Variants in NEDD4L observed in about 807,000 individuals in gnomAD.
NEDD4L encodes E3 ubiquitin-protein ligase NEDD4-like.
Under a neutral mutation model 148.9 loss-of-function variants are expected in NEDD4L, and 54 were observed. That is an observed-to-expected ratio of 0.36 (90% confidence interval 0.29 to 0.45). The LOEUF (loss-of-function observed/expected upper bound fraction) is 0.45. Among genes scored for constraint, NEDD4L ranks in the 20% least tolerant of loss-of-function variants. The pLI is 1.00. For missense variants in NEDD4L, 856 were observed against 1,233.8 expected (o/e 0.69, Z 4.59); for synonymous variants, 433 against 440.7 (o/e 0.98, Z 0.22).
intron 5 of NEDD4L, among the ~76,000 whole-genome samples, chr18:58,253,217 C>T (rs2048130630): frequency 6.6e-6 from 1 of 152,166 alleles, no homozygotes; most frequent in African/African-American, 2.4e-5. Context: ...CTGTTGTTGT[C>T]GATGAGAAGA....
At chr18:58,335,027 A>C (rs1255041497) in intron 12 of NEDD4L, among the ~76,000 whole-genome samples, 1 of 152,162 alleles carries the variant, frequency 6.6e-6, no homozygotes, top group Non-Finnish European at 1.5e-5. Context: ...TCCTTTTCAA[A>C]ATCAATGTCA....
intron 2 of NEDD4L, among the ~76,000 whole-genome samples, chr18:58,178,237 A>C (rs1453966448): frequency 1.3e-5 from 2 of 152,250 alleles, no homozygotes; most frequent in Non-Finnish European, 2.9e-5. Context: ...GGTCAATGAC[A>C]GACTAATTCT....
intron 5 of NEDD4L, among the ~76,000 whole-genome samples, chr18:58,259,316 C>T (rs933769108): frequency 5.9e-5 from 9 of 152,216 alleles, no homozygotes; most frequent in South Asian, 2.1e-4. Context: ...AGAATTCATT[C>T]GTATAGTCAT....
intron 5 of NEDD4L, among the ~76,000 whole-genome samples, chr18:58,294,960 T>C (rs1295099287): frequency 6.6e-6 from 1 of 152,208 alleles, no homozygotes; most frequent in Non-Finnish European, 1.5e-5. Flanking sequence ...ACTGACTTTA[T>C]TTTTTTGGAG....
At chr18:58,296,173 C>A (rs1055758172) in intron 5 of NEDD4L, among the ~76,000 whole-genome samples, 1 of 152,132 alleles carries the variant, frequency 6.6e-6, no homozygotes, top group African/African-American at 2.4e-5. Flanking sequence ...TTTGGTGGTA[C>A]CCTGATGTTT....
intron 2 of NEDD4L, among the ~76,000 whole-genome samples, chr18:58,236,314 G>A (rs1484428669): frequency 6.6e-6 from 1 of 151,860 alleles, no homozygotes; most frequent in Non-Finnish European, 1.5e-5. Flanking sequence ...CCATGATCTT[G>A]CCACTGCACT....
In NEDD4L at chr18:58,165,987, G is replaced by A. The variant is rs114450422; in HGVS notation, c.122+126G>A. On this transcript the variant is annotated intron_variant, in intron 2 of 30. Coordinates refer to ENST00000400345, the MANE Select transcript of NEDD4L (RefSeq NM_001144967.3). Reference sequence around the variant, plus strand: ...CAAAGCTGGCTGGGCCCCACCTGCAGGGATTCTGATTTAGGAAGTGATGCT... The same window carrying A: ...CAAAGCTGGCTGGGCCCCACCTGCAAGGATTCTGATTTAGGAAGTGATGCT... The A allele has an allele frequency of 3.7e-4, 279 of 747,314 alleles. 1 individual carries two copies. The African/African-American group carries it at 4.3e-3, about 11-fold the overall frequency. The allele number at this position is 747,314 out of a possible 1,614,324, so 46.3% of individuals were successfully genotyped here.
At chr18:58,340,532 T>G (rs948858342) in intron 13 of NEDD4L, among the ~76,000 whole-genome samples, 2 of 152,118 alleles carry the variant, frequency 1.3e-5, no homozygotes, top group African/African-American at 4.8e-5. Flanking sequence ...GTGTTGGGAT[T>G]TTAAAATTTT....
At chr18:58,182,858 C>G (rs1006851618) in intron 2 of NEDD4L, among the ~76,000 whole-genome samples, 1 of 152,206 alleles carries the variant, frequency 6.6e-6, no homozygotes, top group African/African-American at 2.4e-5. Flanking sequence ...CTGCTCAGAG[C>G]TTAAATTCTG....
intron 2 of NEDD4L, among the ~76,000 whole-genome samples, chr18:58,183,360 T>C (rs2039063079): frequency 6.6e-6 from 1 of 152,232 alleles, no homozygotes; most frequent in South Asian, 2.1e-4. Context: ...TTAATACGGG[T>C]TTGGCACAAC....
chr18:58,385,016 T>C (rs2048821788), intron 25 of NEDD4L, among the ~76,000 whole-genome samples: 1 of 152,264 alleles, frequency 6.6e-6, no homozygotes, highest in Admixed American at 6.5e-5. Flanking sequence ...ATTTTGCTGA[T>C]AAAGCTTATA....
intron 2 of NEDD4L, among the ~76,000 whole-genome samples, chr18:58,206,376 G>A (rs1422371847): frequency 6.6e-6 from 1 of 152,090 alleles, no homozygotes; most frequent in Non-Finnish European, 1.5e-5. Flanking sequence ...GTGACATAGC[G>A]AGACTCCATC....
intron 5 of NEDD4L, among the ~76,000 whole-genome samples, chr18:58,255,071 A>C (rs1172903729): frequency 6.6e-6 from 1 of 152,170 alleles, no homozygotes; most frequent in African/African-American, 2.4e-5. Flanking sequence ...CGTGTGGCGG[A>C]AGGTGGGAAA....
intron 13 of NEDD4L, among the ~76,000 whole-genome samples, chr18:58,336,335 T>C (rs1037990238): frequency 1.3e-5 from 2 of 152,138 alleles, no homozygotes; most frequent in African/African-American, 4.8e-5. Context: ...CCCAGCACCT[T>C]GGGAGGCTGA....
chr18:58,327,545 G>T (rs564261501), intron 9 of NEDD4L, among the ~76,000 whole-genome samples: 2 of 152,200 alleles, frequency 1.3e-5, no homozygotes, highest in Non-Finnish European at 2.9e-5. Context: ...CCTGAGGAGC[G>T]CCTCCTTCCA....
At chr18:58,255,476 G>T (rs2048403907) in intron 5 of NEDD4L, 1 of 1,227,896 alleles carries the variant, frequency 8.1e-7, no homozygotes, top group Non-Finnish European at 1.0e-6. Context: ...AATGCCGCTT[G>T]CCACTTGGGT....
At chr18:58,193,522 T>A (rs2040340337) in intron 2 of NEDD4L, among the ~76,000 whole-genome samples, 1 of 152,200 alleles carries the variant, frequency 6.6e-6, no homozygotes, top group Non-Finnish European at 1.5e-5. Flanking sequence ...AAATTACTGG[T>A]ATCGTTTTAG....
intron 2 of NEDD4L, among the ~76,000 whole-genome samples, chr18:58,203,663 T>C (rs528271656): frequency 6.6e-6 from 1 of 152,084 alleles, no homozygotes; most frequent in African/African-American, 2.4e-5. Context: ...TTAGTAAATG[T>C]TAAAATAACC....
At chr18:58,045,029 C>T in intron 1 of NEDD4L, 1 of 408,688 alleles carries the variant, frequency 2.4e-6, no homozygotes, top group East Asian at 3.6e-5. Context: ...CAAGCAGCGT[C>T]TCCCGGGGCT....
Sources: gnomAD v4.1 joint callset for allele counts (sites outside exome capture counted in the v4.1 genomes callset) on GRCh38, gnomAD v4.1.1 for gene constraint, MANE v1.5 for transcripts, NCBI Gene and HGNC (gene_info 2026-07-23, HGNC 2026-07-21) for gene names.